KIF16B: variants seen among roughly 807,000 people sequenced by gnomAD.
KIF16B encodes kinesin-like protein KIF16B.
A neutral mutation model predicts 156.3 loss-of-function variants in KIF16B; 98 were observed. The observed-to-expected ratio is 0.63, with a 90% confidence interval of 0.53 to 0.74. The LOEUF (loss-of-function observed/expected upper bound fraction) is 0.74. KIF16B is among the 30% of genes least tolerant of loss of function. The pLI is 0.00. For synonymous variants in KIF16B, 564 were observed against 583.7 expected, an observed-to-expected ratio of 0.97 and a Z score of 0.49; for missense variants, 1,421 against 1,606.5, an observed-to-expected ratio of 0.88 and a Z score of 1.97.
intron 15 of KIF16B, among the ~76,000 whole-genome samples, chr20:16,424,737 G>A (rs2066310943): frequency 6.6e-6 from 1 of 152,078 alleles, no homozygotes; most frequent in Non-Finnish European, 1.5e-5. Context: ...GGCCATGACA[G>A]CCAAGCATAG....
At chr20:16,516,773 A>G (rs1167955184) in intron 3 of KIF16B, among the ~76,000 whole-genome samples, 2 of 152,194 alleles carry the variant, frequency 1.3e-5, no homozygotes, top group Non-Finnish European at 2.9e-5. Flanking sequence ...CATTACAATC[A>G]CTTGGGAGGC....
intron 2 of KIF16B, among the ~76,000 whole-genome samples, chr20:16,526,730 C>T (rs1044075736): frequency 2.0e-5 from 3 of 152,100 alleles, no homozygotes; most frequent in South Asian, 2.1e-4. Context: ...GAGTTTATTG[C>T]GGATGTTTGC....
At chr20:16,377,099 G>C (rs1428044629) in intron 19 of KIF16B, among the ~76,000 whole-genome samples, 3 of 152,148 alleles carry the variant, frequency 2.0e-5, no homozygotes, top group Admixed American at 6.5e-5. Flanking sequence ...TTCTGAGTAG[G>C]TCTTCCTTGT....
At chr20:16,368,748 A>C in intron 22 of KIF16B, 1 of 985,826 alleles carries the variant, frequency 1.0e-6, no homozygotes. Context: ...CTCTCTCCTC[A>C]TGGGAAATGC....
At chr20:16,555,328 C>CA in intron 1 of KIF16B, among the ~76,000 whole-genome samples, 1 of 152,290 alleles carries the variant, frequency 6.6e-6, no homozygotes, top group East Asian at 1.9e-4. Context: ...AATCAGAAGA[C>CA]AGAGTGCCAC....
At chr20:16,338,886 C>T (rs1372101020) in intron 23 of KIF16B, among the ~76,000 whole-genome samples, 7 of 152,192 alleles carry the variant, frequency 4.6e-5, no homozygotes, top group African/African-American at 1.4e-4. Flanking sequence ...ACACCTCTCT[C>T]CATCCTCTCA....
chr20:16,410,114 C>CATATATATATGTAGGTACAT (rs2065905021), intron 15 of KIF16B, among the ~76,000 whole-genome samples: 1 of 93,394 alleles, frequency 1.1e-5, no homozygotes, highest in African/African-American at 4.1e-5. Context: ...TATGTAGGTA[C>CATATATATATGTAGGTACAT]ATATATATAT....
intron 22 of KIF16B, among the ~76,000 whole-genome samples, chr20:16,359,777 C>A (rs1338710870): frequency 6.6e-6 from 1 of 152,006 alleles, no homozygotes; most frequent in Non-Finnish European, 1.5e-5. Context: ...CAATCTAGGG[C>A]AGCCTTTGAC....
At chr20:16,477,897 AG>A (rs1285648220) in intron 12 of KIF16B, among the ~76,000 whole-genome samples, 2 of 152,232 alleles carry the variant, frequency 1.3e-5, no homozygotes, top group Non-Finnish European at 2.9e-5. Context: ...AAACTCAACA[AG>A]GAAGAGAGAA....
At chr20:16,392,184 G>A (rs899825906) in intron 17 of KIF16B, among the ~76,000 whole-genome samples, 4 of 152,244 alleles carry the variant, frequency 2.6e-5, no homozygotes, top group Middle Eastern at 3.4e-3. Flanking sequence ...TCACAGAGAA[G>A]AGCCTACCAG....
chr20:16,451,041 A>G (rs780254972), intron 12 of KIF16B, among the ~76,000 whole-genome samples: 16 of 152,202 alleles, frequency 1.1e-4, no homozygotes, highest in Non-Finnish European at 1.8e-4. Context: ...TCAAAATCTC[A>G]GTATCAGTGT....
At chr20:16,336,264 A>T (rs1305061280) in intron 23 of KIF16B, among the ~76,000 whole-genome samples, 1 of 152,216 alleles carries the variant, frequency 6.6e-6, no homozygotes, top group Non-Finnish European at 1.5e-5. Context: ...GCAGATGGTC[A>T]TCTCTTAATT....
chr20:16,368,228 C>T, intron 22 of KIF16B: 1 of 1,008,994 alleles, frequency 9.9e-7, no homozygotes, highest in Non-Finnish European at 1.2e-6. Flanking sequence ...TTTCTAGCAT[C>T]TTCATATTCA....
chr20:16,352,026 C>T (rs1222152324), intron 23 of KIF16B, among the ~76,000 whole-genome samples: 1 of 152,178 alleles, frequency 6.6e-6, no homozygotes, highest in Non-Finnish European at 1.5e-5. Context: ...AAGATAAATG[C>T]CGTTGGATCC....
intron 12 of KIF16B, among the ~76,000 whole-genome samples, chr20:16,449,334 T>C (rs1406502453): frequency 2.0e-5 from 3 of 152,204 alleles, no homozygotes; most frequent in Admixed American, 2.0e-4. Flanking sequence ...AGAGAATGTT[T>C]ACAAAAGAAA....
intron 1 of KIF16B, among the ~76,000 whole-genome samples, chr20:16,546,602 C>T (rs1323878877): frequency 6.6e-6 from 1 of 152,112 alleles, no homozygotes; most frequent in South Asian, 2.1e-4. Context: ...GTTGCCAAGT[C>T]TTCTGCCCAG....
Position 16,549,479 on chromosome 20 carries a change from T to C in KIF16B, c.48-21039A>G, listed in dbSNP as rs1388500262. On this transcript the variant is annotated intron_variant, in intron 1 of 25. Coordinates refer to ENST00000354981, the MANE Select transcript of KIF16B (RefSeq NM_024704.5). ...GGTTGGTTCCAAGTCTTTGCTATTG[T>C]GAATAATGCCGCAATAAACATACGT... 2.0e-5 allele frequency among the ~76,000 whole-genome samples: 3 copies of C among 151,766 alleles called. No homozygotes were observed. In the East Asian group the frequency reaches 5.8e-4, roughly 29 times the overall value.
intron 12 of KIF16B, among the ~76,000 whole-genome samples, chr20:16,481,055 T>C (rs1429238972): frequency 6.6e-6 from 1 of 152,152 alleles, no homozygotes; most frequent in Non-Finnish European, 1.5e-5. Flanking sequence ...GCTTTCCAAC[T>C]CTTCTGAGGC....
intron 24 of KIF16B, among the ~76,000 whole-genome samples, chr20:16,326,462 AG>A (rs1200481177): frequency 1.3e-5 from 2 of 151,600 alleles, no homozygotes; most frequent in African/African-American, 4.8e-5. Context: ...CAAAAAAAAA[AG>A]AAAAAGAAAA....
Sources: allele counts gnomAD v4.1 joint callset (sites outside exome capture counted in the v4.1 genomes callset), GRCh38; gene constraint gnomAD v4.1.1; transcripts MANE v1.5; gene names NCBI Gene and HGNC (gene_info 2026-07-23, HGNC 2026-07-21).